The following C11orf65 variants were observed in gnomAD, a reference collection of about 807,000 sequenced individuals.
C11orf65 encodes the protein chromosome 11 open reading frame 65.
Under a neutral mutation model 35.3 loss-of-function variants are expected in C11orf65, and 38 were observed. The observed-to-expected ratio is 1.08, with a 90% CI of 0.83 to 1.41. The LOEUF (loss-of-function observed/expected upper bound fraction) is 1.41, where lower values mean the gene tolerates loss of function less well. Among genes scored for constraint, C11orf65 ranks in the 40% most tolerant of loss-of-function variants. The pLI is 0.00. For missense variants in C11orf65, 370 were observed against 367.1 expected, an observed-to-expected ratio of 1.01 and a Z score of -0.06; for synonymous variants, 105 against 114.4, an observed-to-expected ratio of 0.92 and a Z score of 0.53.
intron 1 of C11orf65, among the ~76,000 whole-genome samples, chr11:108,463,275 A>T (rs1310602932): frequency 1.3e-5 from 2 of 152,234 alleles, no homozygotes; most frequent in Admixed American, 1.3e-4. Context: ...AAAACTTTCA[A>T]AAAGGATACG....
intron 6 of C11orf65, among the ~76,000 whole-genome samples, chr11:108,317,055 A>G (rs1054834924): frequency 6.6e-6 from 1 of 151,144 alleles, no homozygotes; most frequent in African/African-American, 2.4e-5. Context: ...CGCTTCAGCC[A>G]CCCAAGTAGC....
intron 2 of C11orf65, among the ~76,000 whole-genome samples, chr11:108,439,624 A>G (rs1411361021): frequency 1.3e-5 from 2 of 152,260 alleles, no homozygotes; most frequent in Non-Finnish European, 2.9e-5. Flanking sequence ...TAGATATATA[A>G]TGGAATATTA....
intron 2 of C11orf65, among the ~76,000 whole-genome samples, chr11:108,443,792 C>A (rs1475874438): frequency 1.3e-5 from 2 of 152,044 alleles, no homozygotes; most frequent in African/African-American, 2.4e-5. Flanking sequence ...ACACAACATA[C>A]CAGAATCTCT....
At chr11:108,313,660 G>T (rs183175685) in intron 6 of C11orf65, among the ~76,000 whole-genome samples, 1 of 152,088 alleles carries the variant, frequency 6.6e-6, no homozygotes, top group East Asian at 1.9e-4. Context: ...TTGGAATATC[G>T]TGTGTGTACT....
At chr11:108,315,649 C>T (rs895727441) in intron 6 of C11orf65, among the ~76,000 whole-genome samples, 5 of 152,106 alleles carry the variant, frequency 3.3e-5, no homozygotes, top group East Asian at 1.9e-4. Flanking sequence ...AGTTCAAACT[C>T]GTGTTGTTTG....
intron 2 of C11orf65, among the ~76,000 whole-genome samples, chr11:108,363,212 T>G (rs227093): frequency 5.9e-5 from 9 of 151,896 alleles, no homozygotes; most frequent in Non-Finnish European, 1.3e-4. Context: ...GGGACATCAT[T>G]TCTTTCCTCT....
At position 108,461,689 on chromosome 11, in the gene C11orf65, G is replaced by A. The variant is rs1349820322; in HGVS notation, c.-9-121C>T. 2.3e-5 allele frequency: 14 copies of A among 613,026 alleles called. No individual in the cohort carries two copies. The East Asian group carries it at 2.6e-4, about 11-fold the overall frequency. 38.0% of individuals were successfully genotyped at this position (613,026 alleles called of 1,614,324 possible). ...GTCACCCAAGCTGGAGTGCAGTGGT[G>A]CGATGATAGCTCACTGTAGCCTCAA... On this transcript the variant is annotated intron_variant, in intron 1 of 8. Coordinates refer to ENST00000393084, the MANE Select transcript of C11orf65 (RefSeq NM_152587.5).
At chr11:108,319,373 A>G (rs1193962566) in intron 6 of C11orf65, among the ~76,000 whole-genome samples, 3 of 151,996 alleles carry the variant, frequency 2.0e-5, no homozygotes, top group Admixed American at 6.6e-5. Context: ...TTTTCTTGTC[A>G]GGCCAAGCTG....
rs775823407 is a variant in C11orf65, at chr11:108,354,844, C to T, written c.227-19552G>A. The T allele has an allele frequency of 4.3e-6, 7 of 1,613,738 alleles. No individual in the cohort carries two copies. Among genetic ancestry groups the T allele is most frequent in the African/African-American group, 2.7e-5 (2 of 74,930 alleles). ...AGAAAACCATGGAAGTGATGAGAAA[C>T]TCTCAGGAAACTCTGTTAACCATTG... On this transcript the variant is annotated intron_variant, in intron 2 of 3. Transcript: ENST00000524755.
At chr11:108,414,546 T>C (rs1282238414) in intron 3 of C11orf65, among the ~76,000 whole-genome samples, 2 of 152,048 alleles carry the variant, frequency 1.3e-5, no homozygotes, top group Middle Eastern at 6.8e-3. Flanking sequence ...CCTATCTCTA[T>C]TAAAGAAATA....
At chr11:108,371,638 A>G (rs2091579441) in intron 2 of C11orf65, among the ~76,000 whole-genome samples, 1 of 152,150 alleles carries the variant, frequency 6.6e-6, no homozygotes, top group Non-Finnish European at 1.5e-5. Context: ...TTATCCATTC[A>G]TCCATCAGTG....
At chr11:108,325,462 C>T (rs2136314573) in intron 6 of C11orf65, 1 of 1,613,746 alleles carries the variant, frequency 6.2e-7, no homozygotes, top group South Asian at 1.1e-5. Context: ...ATGGACAACT[C>T]ACAAAGAGAA....
chr11:108,362,449 G>T (rs1030426695), intron 2 of C11orf65, among the ~76,000 whole-genome samples: 1 of 151,610 alleles, frequency 6.6e-6, no homozygotes, highest in African/African-American at 2.4e-5. Context: ...CCATTACTGG[G>T]TATATAACCA....
chr11:108,381,536 C>G (rs539263872), downstream of C11orf65, among the ~76,000 whole-genome samples: 1 of 152,234 alleles, frequency 6.6e-6, no homozygotes, highest in Non-Finnish European at 1.5e-5. Context: ...TGGATACCCA[C>G]AGTAATAACC....
intron 2 of C11orf65, among the ~76,000 whole-genome samples, chr11:108,351,299 T>C (rs946411126): frequency 3.9e-5 from 6 of 152,226 alleles, no homozygotes; most frequent in Non-Finnish European, 8.8e-5. Context: ...GGAATGCTGG[T>C]AGAGTTCTGT....
intron 3 of C11orf65, among the ~76,000 whole-genome samples, chr11:108,408,403 G>A (rs150076337): frequency 0.012 from 1,880 of 152,094 alleles, 46 homozygotes; most frequent in African/African-American, 0.042. Context: ...GGCCGGGCGT[G>A]GTGGCTCACA....
intron 6 of C11orf65, among the ~76,000 whole-genome samples, chr11:108,395,179 G>A (rs2092277372): frequency 6.6e-6 from 1 of 151,374 alleles, no homozygotes; most frequent in East Asian, 2.0e-4. Context: ...GCATTCTTGA[G>A]AGGTTTAGAA....
chr11:108,341,732 A>G (rs2087607981), intron 2 of C11orf65, among the ~76,000 whole-genome samples: 1 of 152,246 alleles, frequency 6.6e-6, no homozygotes, highest in Non-Finnish European at 1.5e-5. Flanking sequence ...TGAAGAATAC[A>G]ATGATATTCA....
chr11:108,405,444 T>C lies in C11orf65; in HGVS notation c.545A>G (p.Glu182Gly). Residue 182 changes from glutamate to glycine, a missense_variant, in exon 6 of 9, where the codon GAG becomes GGG. Glu to Gly is a moderately conservative substitution (Grantham distance 98, BLOSUM62 -2). Transcript: ENST00000393084. ...LEKKRKLRKIEWMRQMYYSGS... is the reference protein window; with the variant it reads ...LEKKRKLRKIGWMRQMYYSGS... ...ATCAACTTACATTTGCCTCATCCAC[T>C]CTATTTTTCTAAGTTTTCTTTTCTT... is the stretch of plus-strand genomic sequence containing the variant. 1 of 1,612,572 alleles carries C rather than the reference T, an allele frequency of 6.2e-7. No individual in the cohort carries two copies. Among genetic ancestry groups the C allele is most frequent in the Non-Finnish European group, 8.5e-7 (1 of 1,179,750 alleles).
Sources: allele counts gnomAD v4.1 joint callset (sites outside exome capture counted in the v4.1 genomes callset), GRCh38; gene constraint gnomAD v4.1.1; transcripts MANE v1.5; gene names NCBI Gene and HGNC (gene_info 2026-07-23, HGNC 2026-07-21).